TPRG1: variants seen among roughly 807,000 people sequenced by gnomAD.
The protein encoded by TPRG1 is tumor protein p63-regulated gene 1 protein.
A neutral mutation model predicts 29.3 loss-of-function variants in TPRG1; 29 were observed. The ratio of observed to expected loss-of-function variants is 0.99; its 90% CI spans 0.74 to 1.35. The LOEUF is 1.35. Ranked by LOEUF, TPRG1 falls within the 40% of genes most tolerant of loss-of-function variation. TPRG1 has a pLI of 0.00. For missense variants in TPRG1, 327 were observed against 335.0 expected (o/e 0.98, Z 0.19); for synonymous variants, 130 against 116.8 (o/e 1.11, Z -0.73).
intron 4 of TPRG1, among the ~76,000 whole-genome samples, chr3:189,280,310 A>AATATATATAAATGAATGG (rs141439950): frequency 0.27 from 39,361 of 146,072 alleles, 6,166 homozygotes; most frequent in African/African-American, 0.5. Flanking sequence ...TGAATGGAAT[A>AATATATATAAATGAATGG]ATATATATAA....
chr3:189,158,421 C>T (rs1384710993), intron 5 of TPRG1, among the ~76,000 whole-genome samples: 6 of 151,850 alleles, frequency 4.0e-5, no homozygotes, highest in African/African-American at 1.5e-4. Context: ...CTAGCCTGGC[C>T]AATATGGTGA....
chr3:189,318,976 C>T (rs1284279866), intron 5 of TPRG1, among the ~76,000 whole-genome samples: 1 of 152,098 alleles, frequency 6.6e-6, no homozygotes. Context: ...GTCAGGAGAC[C>T]TGAGTCCAAG....
At chr3:189,008,072 A>G (rs1239717942) in intron 3 of TPRG1, among the ~76,000 whole-genome samples, 1 of 75,850 alleles carries the variant, frequency 1.3e-5, no homozygotes, top group South Asian at 6.0e-4. Flanking sequence ...AAGAAAAAAA[A>G]AAAAACGTTC....
intron 2 of TPRG1, among the ~76,000 whole-genome samples, chr3:189,213,796 T>A (rs1433286101): frequency 2.6e-5 from 4 of 152,202 alleles, no homozygotes; most frequent in Non-Finnish European, 4.4e-5. Context: ...TCTCTTCTGT[T>A]CATTTTTTTC....
intron 1 of TPRG1, among the ~76,000 whole-genome samples, chr3:189,182,706 GC>G (rs1730391795): frequency 6.6e-6 from 1 of 152,060 alleles, no homozygotes; most frequent in East Asian, 1.9e-4. Context: ...TAAAAAGGGA[GC>G]AACATGAATA....
At chr3:189,067,054 A>T (rs1354804369) in intron 4 of TPRG1, among the ~76,000 whole-genome samples, 1 of 152,190 alleles carries the variant, frequency 6.6e-6, no homozygotes, top group Non-Finnish European at 1.5e-5. Flanking sequence ...AGAAATCAGG[A>T]AAGTAATCCT....
chr3:189,260,370 G>A (rs1712787736), intron 4 of TPRG1, among the ~76,000 whole-genome samples: 1 of 152,166 alleles, frequency 6.6e-6, no homozygotes, highest in African/African-American at 2.4e-5. Context: ...CCCTCCCCTT[G>A]CTGAATCTCC....
chr3:189,212,567 A>ATT (rs5855243), intron 2 of TPRG1, among the ~76,000 whole-genome samples: 1 of 150,422 alleles, frequency 6.6e-6, no homozygotes, highest in Non-Finnish European at 1.5e-5. Context: ...AAAAAAGATG[A>ATT]TTTTTTTTTT....
intron 1 of TPRG1, among the ~76,000 whole-genome samples, chr3:189,102,090 T>C (rs559946584): frequency 2.0e-5 from 3 of 152,346 alleles, no homozygotes; most frequent in Admixed American, 6.5e-5. Context: ...GTTTCAACCT[T>C]GGTCATCCTT....
intron 3 of TPRG1, among the ~76,000 whole-genome samples, chr3:189,019,829 C>T (rs954820851): frequency 6.7e-6 from 1 of 149,784 alleles, no homozygotes; most frequent in Non-Finnish European, 1.5e-5. Flanking sequence ...CCTTGTACCT[C>T]TGGTAGAATT....
rs530976863 is a variant in TPRG1, at chr3:189,243,919, C to G, written c.479+5010C>G. ...ACTATCAGCATTTTGGTGATAACCA[C>G]TCAGCCAGTCTCTAGAAAGTTCCAA... On this transcript the variant is annotated intron_variant, in intron 4 of 5. Coordinates refer to ENST00000345063, the MANE Select transcript of TPRG1 (RefSeq NM_198485.4). Among the ~76,000 whole-genome samples the G allele has an allele frequency of 2.0e-4, 31 of 152,322 alleles. 1 individual carries two copies. The South Asian group carries it at 3.5e-3, about 17-fold the overall frequency.
intron 4 of TPRG1, among the ~76,000 whole-genome samples, chr3:189,296,915 AAC>A (rs1248838407): frequency 2.0e-5 from 3 of 152,200 alleles, no homozygotes; most frequent in African/African-American, 7.2e-5. Context: ...AAATGATAGA[AAC>A]AGTGTCTGAA....
At chr3:189,254,430 A>G (rs553765462) in intron 4 of TPRG1, among the ~76,000 whole-genome samples, 3 of 152,150 alleles carry the variant, frequency 2.0e-5, no homozygotes, top group Non-Finnish European at 2.9e-5. Flanking sequence ...GTAGCCTTGT[A>G]GTATAGTTTG....
upstream of TPRG1, among the ~76,000 whole-genome samples, chr3:189,171,045 C>T (rs1400359519): frequency 6.6e-6 from 1 of 152,194 alleles, no homozygotes; most frequent in Admixed American, 6.5e-5. Context: ...TCCTTTCTTT[C>T]AGCAATCCAC....
In TPRG1 at chr3:189,177,901, C is replaced by T. The variant is rs56016402; in HGVS notation, c.-10+5770C>T. ...ACTTCTCTCAGGTTCTATTCGAACC[C>T]AGAAGGGAGATGGAGGAGGAGTAGC... On this transcript the variant is annotated intron_variant, in intron 1 of 5. Transcript: ENST00000345063. Among the ~76,000 whole-genome samples the T allele has an allele frequency of 7.5e-3, 1,146 of 152,240 alleles. 15 individuals are homozygous for T. The highest frequency in any genetic ancestry group is 0.026 in the African/African-American group (1,077 of 41,508).
chr3:189,151,591 A>C (rs2108601294), intron 5 of TPRG1, among the ~76,000 whole-genome samples: 1 of 152,270 alleles, frequency 6.6e-6, no homozygotes, highest in East Asian at 1.9e-4. Flanking sequence ...TTGCAGAAAG[A>C]GAAACCTGGC....
At chr3:189,075,679 T>G (rs6773026) in intron 4 of TPRG1, among the ~76,000 whole-genome samples, 11,251 of 152,206 alleles carry the variant, frequency 0.074, 1,333 homozygotes, top group African/African-American at 0.25. Flanking sequence ...TAGAGAAAAT[T>G]AGTTGCCTTG....
intron 2 of TPRG1, among the ~76,000 whole-genome samples, chr3:189,004,324 C>T (rs1712179596): frequency 6.6e-6 from 1 of 152,104 alleles, no homozygotes; most frequent in Non-Finnish European, 1.5e-5. Context: ...CACTCCTGTT[C>T]CTAGTCACTG....
chr3:189,218,299 G>A (rs1460533254), intron 3 of TPRG1, among the ~76,000 whole-genome samples: 1 of 151,442 alleles, frequency 6.6e-6, no homozygotes, highest in Non-Finnish European at 1.5e-5. Flanking sequence ...TTTTTTTTTA[G>A]TAGAGATAGG....
Sources: allele counts gnomAD v4.1 joint callset (sites outside exome capture counted in the v4.1 genomes callset), GRCh38; gene constraint gnomAD v4.1.1; transcripts MANE v1.5; gene names NCBI Gene and HGNC (gene_info 2026-07-23, HGNC 2026-07-21).